Variants in GPM6A observed in about 807,000 individuals in gnomAD.
GPM6A encodes glycoprotein M6A.
In GPM6A, 7 loss-of-function variants were observed where a neutral mutation model predicts 32.1. The ratio of observed to expected loss-of-function variants is 0.22; its 90% CI spans 0.12 to 0.41. GPM6A has a LOEUF of 0.41. Ranked by LOEUF, GPM6A falls within the 10% of genes least tolerant of loss-of-function variation. The pLI is 1.00. For synonymous variants in GPM6A, 130 were observed against 123.4 expected (o/e 1.05, Z -0.35); for missense variants, 235 against 347.2 (o/e 0.68, Z 2.57).
intron 1 of GPM6A, among the ~76,000 whole-genome samples, chr4:175,846,601 A>C (rs954801260): frequency 1.3e-5 from 2 of 152,158 alleles, no homozygotes; most frequent in Non-Finnish European, 2.9e-5. Context: ...ATTTGGTTAC[A>C]TCTGTATAAC....
intron 6 of GPM6A, among the ~76,000 whole-genome samples, chr4:175,636,273 T>C (rs1023447804): frequency 2.1e-5 from 2 of 94,652 alleles, no homozygotes; most frequent in East Asian, 2.6e-4. Context: ...TATATATATA[T>C]ATATATATAT....
Position 175,634,635 on chromosome 4 carries a change from T to C in GPM6A, c.*270A>G. Reference sequence around the variant, plus strand: ...CTTTGCATTTGACAATGTTAGTATCTTTGATTTTACAGAACTAGTAAATGA... The same window carrying C: ...CTTTGCATTTGACAATGTTAGTATCCTTGATTTTACAGAACTAGTAAATGA... On this transcript the variant is annotated 3_prime_UTR_variant, in exon 7 of 7. Coordinates refer to ENST00000393658, the MANE Select transcript of GPM6A (RefSeq NM_201591.3). The C allele has an allele frequency of 2.9e-6, 1 of 340,130 alleles. No individual in the cohort carries two copies. 21.1% of individuals were successfully genotyped at this position (340,130 alleles called of 1,614,324 possible). A position where few individuals can be genotyped will look rare whatever the true frequency, so the allele number is the denominator to read the frequency against.
At chr4:175,835,065 T>A (rs955372807) in intron 1 of GPM6A, among the ~76,000 whole-genome samples, 2 of 152,230 alleles carry the variant, frequency 1.3e-5, no homozygotes, top group Non-Finnish European at 2.9e-5. Context: ...AAGACAGTGC[T>A]GCCGAACTTT....
intron 1 of GPM6A, among the ~76,000 whole-genome samples, chr4:175,716,231 A>C (rs1254834689): frequency 6.6e-6 from 1 of 152,118 alleles, no homozygotes; most frequent in Non-Finnish European, 1.5e-5. Flanking sequence ...TTAGCTTCAA[A>C]CCCTCCACCA....
In GPM6A at chr4:175,999,525, CTT is replaced by C. The variant is rs113311022; in HGVS notation, c.-23+2782_-23+2783del. Among the ~76,000 whole-genome samples the C allele has an allele frequency of 3.6e-3, 524 of 146,200 alleles. 1 individual carries two copies. Among genetic ancestry groups the C allele is most frequent in the African/African-American group, 9.4e-3 (373 of 39,764 alleles). On this transcript the variant is annotated intron_variant, in intron 1 of 7. Transcript: ENST00000280187. ...TGCAATTTGCCTACTTTGCAAATAA[CTT>C]TTTTTTTTTTTTACAATCAGCCTTG...
chr4:175,734,566 TTAAA>T (rs898609619), intron 1 of GPM6A, among the ~76,000 whole-genome samples: 5 of 148,516 alleles, frequency 3.4e-5, no homozygotes, highest in African/African-American at 1.2e-4. Context: ...CCTTTACTTT[TTAAA>T]AAAAAAAAAT....
chr4:175,756,702 T>C (rs959127192), intron 1 of GPM6A, among the ~76,000 whole-genome samples: 2 of 152,070 alleles, frequency 1.3e-5, no homozygotes, highest in East Asian at 3.9e-4. Flanking sequence ...TATGAACTTA[T>C]AAAACACCTG....
intron 4 of GPM6A, among the ~76,000 whole-genome samples, chr4:175,642,882 T>C (rs1741228111): frequency 6.6e-6 from 1 of 152,188 alleles, no homozygotes; most frequent in Non-Finnish European, 1.5e-5. Context: ...GGATTTCTAA[T>C]AAGCATTTTA....
intron 1 of GPM6A, among the ~76,000 whole-genome samples, chr4:175,806,580 G>C (rs1056820273): frequency 3.9e-5 from 6 of 152,188 alleles, no homozygotes; most frequent in Non-Finnish European, 7.4e-5. Context: ...AATATAAAAT[G>C]ACAAAATTCT....
chr4:175,859,286 T>C (rs1424271307), intron 1 of GPM6A, among the ~76,000 whole-genome samples: 2 of 152,106 alleles, frequency 1.3e-5, no homozygotes, highest in Non-Finnish European at 1.5e-5. Flanking sequence ...CAAAGAAATA[T>C]ACTAAAAAAG....
At position 175,889,460 on chromosome 4, in the gene GPM6A, A is replaced by G. The variant is rs536401024; in HGVS notation, c.-22-77211T>C. ...GGATGACTTGAGTTCAGTAGGTCAC[A>G]ACTGCAGTGTTTACACCACTGCACT... On this transcript the variant is annotated intron_variant, in intron 1 of 7. Coordinates refer to the GPM6A transcript ENST00000280187. 4.6e-5 allele frequency among the ~76,000 whole-genome samples: 7 copies of G among 151,668 alleles called. No individual in the cohort carries two copies. The South Asian group carries it at 1.5e-3, about 32-fold the overall frequency.
chr4:175,944,595 C>T (rs1489660287), intron 1 of GPM6A, among the ~76,000 whole-genome samples: 1 of 152,206 alleles, frequency 6.6e-6, no homozygotes, highest in Non-Finnish European at 1.5e-5. Context: ...GCATACAGCT[C>T]TTAACAGTAT....
intron 1 of GPM6A, among the ~76,000 whole-genome samples, chr4:175,861,749 GAAAAAA>G (rs10716525): frequency 3.4e-5 from 3 of 87,238 alleles, no homozygotes; most frequent in South Asian, 8.5e-4. Flanking sequence ...AAGAGACTCT[GAAAAAA>G]AAAAAAAAAA....
At chr4:175,757,081 T>G (rs1394678124) in intron 1 of GPM6A, among the ~76,000 whole-genome samples, 1 of 151,990 alleles carries the variant, frequency 6.6e-6, no homozygotes, top group East Asian at 1.9e-4. Flanking sequence ...TCCTCCAGCA[T>G]TGCATTAGGT....
intron 1 of GPM6A, among the ~76,000 whole-genome samples, chr4:175,713,837 A>G (rs1365169825): frequency 6.6e-6 from 1 of 152,068 alleles, no homozygotes; most frequent in African/African-American, 2.4e-5. Context: ...TTTTTGCTGA[A>G]TCTCATTATT....
chr4:175,950,280 GA>G (rs1342430920), intron 1 of GPM6A, among the ~76,000 whole-genome samples: 1 of 152,026 alleles, frequency 6.6e-6, no homozygotes, highest in Non-Finnish European at 1.5e-5. Context: ...GTCTCAATGA[GA>G]CATAATAGAT....
intron 1 of GPM6A, among the ~76,000 whole-genome samples, chr4:175,891,971 T>C (rs1454899786): frequency 6.6e-6 from 1 of 152,234 alleles, no homozygotes; most frequent in Admixed American, 6.5e-5. Context: ...CAAACTTCAA[T>C]GTGGCTTTTG....
chr4:175,685,480 A>C (rs1325006643), intron 2 of GPM6A, among the ~76,000 whole-genome samples: 1 of 152,154 alleles, frequency 6.6e-6, no homozygotes, highest in Non-Finnish European at 1.5e-5. Flanking sequence ...TACCTTTAAA[A>C]ATTCTTCTGT....
intron 1 of GPM6A, among the ~76,000 whole-genome samples, chr4:175,768,171 G>A (rs917980012): frequency 9.2e-5 from 14 of 152,252 alleles, no homozygotes; most frequent in African/African-American, 3.1e-4. Flanking sequence ...ACAACATGAT[G>A]ATGCTCAATT....
Sources: allele counts gnomAD v4.1 joint callset (sites outside exome capture counted in the v4.1 genomes callset), GRCh38; gene constraint gnomAD v4.1.1; transcripts MANE v1.5; gene names NCBI Gene and HGNC (gene_info 2026-07-23, HGNC 2026-07-21).